The following RELN variants were observed in gnomAD, a reference collection of about 807,000 sequenced individuals.
RELN encodes reelin.
A neutral mutation model predicts 427.6 loss-of-function variants in RELN; 108 were observed. The ratio of observed to expected loss-of-function variants is 0.25; its 90% CI spans 0.22 to 0.30. The LOEUF (loss-of-function observed/expected upper bound fraction) is 0.30, where lower values mean the gene tolerates loss of function less well. RELN is among the 10% of genes least tolerant of loss of function. RELN has a pLI of 1.00. For synonymous variants in RELN, 1,524 were observed against 1,513.4 expected, an observed-to-expected ratio of 1.01 and a Z score of -0.16; for missense variants, 3,715 against 4,302.8, an observed-to-expected ratio of 0.86 and a Z score of 3.82.
chr7:103,909,091 C>T (rs1471189413), intron 2 of RELN, among the ~76,000 whole-genome samples: 1 of 152,162 alleles, frequency 6.6e-6, no homozygotes, highest in Non-Finnish European at 1.5e-5. Flanking sequence ...AGTACCACTA[C>T]TTATACAATA....
chr7:103,816,730 C>T (rs1445932257), intron 3 of RELN, among the ~76,000 whole-genome samples: 2 of 152,184 alleles, frequency 1.3e-5, no homozygotes, highest in Non-Finnish European at 2.9e-5. Flanking sequence ...ATGTAAGCTA[C>T]AATGACACTG....
At chr7:103,802,583 T>C (rs1792496201) in intron 3 of RELN, among the ~76,000 whole-genome samples, 1 of 152,122 alleles carries the variant, frequency 6.6e-6, no homozygotes, top group South Asian at 2.1e-4. Context: ...TACCCAAATG[T>C]GAAATTTTGA....
At chr7:103,920,567 GTT>G (rs530809994) in intron 1 of RELN, among the ~76,000 whole-genome samples, 5 of 134,244 alleles carry the variant, frequency 3.7e-5, no homozygotes, top group East Asian at 4.4e-4. Context: ...CCAGTCTTTG[GTT>G]TTTTTTTTTG....
rs528781829 is a variant in RELN, at chr7:103,890,546, G to T, written c.337+26529C>A. ...CTCGAACAATAAATGTAATGTGCTT[G>T]AATCATCCCCCAAACCATCCCCACC... On this transcript the variant is annotated intron_variant, in intron 2 of 64. Transcript: ENST00000428762. Among the ~76,000 whole-genome samples the T allele has an allele frequency of 9.6e-3, 635 of 66,110 alleles. 20 individuals carry two copies. Among genetic ancestry groups the T allele is most frequent in the Admixed American group, 0.076 (538 of 7,084 alleles). 43.4% of individuals were successfully genotyped at this position (66,110 alleles called of 152,430 possible). A position where few individuals can be genotyped will look rare whatever the true frequency, so the allele number is the denominator to read the frequency against.
chr7:103,754,858 A>G (rs1424363960), intron 4 of RELN, among the ~76,000 whole-genome samples: 2 of 152,228 alleles, frequency 1.3e-5, no homozygotes, highest in African/African-American at 4.8e-5. Context: ...AAGCTAGCAA[A>G]GGTGACTGAG....
chr7:103,735,147 A>C (rs1275583596), intron 6 of RELN, among the ~76,000 whole-genome samples: 1 of 152,164 alleles, frequency 6.6e-6, no homozygotes, highest in Non-Finnish European at 1.5e-5. Context: ...TCAAACCATA[A>C]ACATAAAAGA....
At chr7:103,770,917 T>A (rs900151207) in intron 4 of RELN, among the ~76,000 whole-genome samples, 1 of 147,982 alleles carries the variant, frequency 6.8e-6, no homozygotes, top group Non-Finnish European at 1.5e-5. Context: ...CGCTTACTTT[T>A]TTTTTTTTTT....
At chr7:103,807,686 T>C (rs535445037) in intron 3 of RELN, among the ~76,000 whole-genome samples, 33 of 152,204 alleles carry the variant, frequency 2.2e-4, no homozygotes, top group Admixed American at 6.5e-4. Context: ...AGTATTTAGC[T>C]CCCACTTGTA....
rs993252760 is a variant in RELN at position 103,519,585 on chromosome 7, G to A, written c.7669-69C>T. 10 of 1,194,510 alleles carry A rather than the reference G, an allele frequency of 8.4e-6. No homozygotes were observed. The African/African-American group carries it at 2.1e-4, about 25-fold the overall frequency. 74.0% of individuals were successfully genotyped at this position (1,194,510 alleles called of 1,614,324 possible). A position where few individuals can be genotyped will look rare whatever the true frequency, so the allele number is the denominator to read the frequency against. ...GATTGCAGATTATAGATTTTCTATG[G>A]ATTTTTTTTTTTTTTGAGACAGGGT... On this transcript the variant is annotated intron_variant, in intron 48 of 64. Coordinates refer to ENST00000428762, the MANE Select transcript of RELN (RefSeq NM_005045.4).
At chr7:103,954,219 C>A (rs1410872289) in intron 1 of RELN, among the ~76,000 whole-genome samples, 1 of 152,184 alleles carries the variant, frequency 6.6e-6, no homozygotes, top group African/African-American at 2.4e-5. Context: ...GAGATCGCAC[C>A]ATTGCACTTC....
intron 45 of RELN, among the ~76,000 whole-genome samples, chr7:103,537,466 CT>C (rs1485774878): frequency 6.6e-6 from 1 of 152,214 alleles, no homozygotes; most frequent in Admixed American, 6.5e-5. Flanking sequence ...TAAGGCCCTT[CT>C]TAATTTGTTG....
At chr7:103,552,501 CTTTTTTT>C (rs35546410) in intron 40 of RELN, among the ~76,000 whole-genome samples, 2 of 119,358 alleles carry the variant, frequency 1.7e-5, no homozygotes, top group Admixed American at 9.0e-5. Flanking sequence ...TTCCTGAATT[CTTTTTTT>C]TTTTTTTTTT....
At chr7:103,505,059 C>A (rs1054799738) in intron 51 of RELN, among the ~76,000 whole-genome samples, 2 of 152,208 alleles carry the variant, frequency 1.3e-5, no homozygotes, top group African/African-American at 4.8e-5. Flanking sequence ...AAAAAGGCAG[C>A]AGCCCCAGTC....
intron 57 of RELN, among the ~76,000 whole-genome samples, chr7:103,493,428 G>A (rs373204619): frequency 1.3e-5 from 2 of 152,196 alleles, no homozygotes; most frequent in Admixed American, 6.5e-5. Context: ...TAAGTGCACC[G>A]TTAGACACAT....
chr7:103,539,881 C>T (rs1192040829), intron 44 of RELN, among the ~76,000 whole-genome samples: 1 of 152,216 alleles, frequency 6.6e-6, no homozygotes, highest in Non-Finnish European at 1.5e-5. Context: ...CTAATTTGCA[C>T]ATTTTCCTTT....
intron 3 of RELN, among the ~76,000 whole-genome samples, chr7:103,829,710 T>C (rs1036832752): frequency 6.6e-6 from 1 of 151,988 alleles, no homozygotes; most frequent in Admixed American, 6.6e-5. Flanking sequence ...CAAATGACTA[T>C]GTGGCTAAGT....
intron 3 of RELN, among the ~76,000 whole-genome samples, chr7:103,790,690 G>A (rs1007463810): frequency 7.9e-5 from 12 of 152,232 alleles, no homozygotes; most frequent in Admixed American, 2.0e-4. Context: ...ATAGGCAGGC[G>A]TGGTGGCTCA....
chr7:103,887,353 G>C (rs115610915), intron 2 of RELN, among the ~76,000 whole-genome samples: 428 of 152,262 alleles, frequency 2.8e-3, no homozygotes, highest in African/African-American at 9.6e-3. Context: ...GCCATTGCAC[G>C]TCAAAGGATG....
chr7:103,899,114 C>T (rs56871304), intron 2 of RELN, among the ~76,000 whole-genome samples: 3,896 of 152,126 alleles, frequency 0.026, 144 homozygotes, highest in African/African-American at 0.088. Context: ...GGGGATATCA[C>T]CACTGATCCC....
Sources: gnomAD v4.1 joint callset for allele counts (sites outside exome capture counted in the v4.1 genomes callset) on GRCh38, gnomAD v4.1.1 for gene constraint, MANE v1.5 for transcripts, NCBI Gene and HGNC (gene_info 2026-07-23, HGNC 2026-07-21) for gene names.